The following ABTB3 variants were observed in gnomAD, a reference collection of about 807,000 sequenced individuals.
The protein encoded by ABTB3 is ankyrin repeat- and BTB/POZ domain-containing protein 3.
At chr12:107,441,374 A>C in the ABTB3 span, among the ~76,000 whole-genome samples, 1 of 152,142 alleles carries the variant, frequency 6.6e-6, no homozygotes, top group Non-Finnish European at 1.5e-5. Flanking sequence ...AAAACCAAAC[A>C]CTGCATGTCC....
the ABTB3 span, among the ~76,000 whole-genome samples, chr12:107,356,020 GCACA>G: frequency 6.6e-5 from 10 of 152,292 alleles, no homozygotes; most frequent in Non-Finnish European, 1.3e-4. Context: ...AAAGGCTGTA[GCACA>G]GAGGGTTTGA....
the ABTB3 span, among the ~76,000 whole-genome samples, chr12:107,557,865 C>A: frequency 2.6e-5 from 4 of 152,232 alleles, no homozygotes; most frequent in Non-Finnish European, 5.9e-5. Context: ...GGCTCCAGAA[C>A]TTGCTTCCTT....
chr12:107,396,036 A>G, the ABTB3 span, among the ~76,000 whole-genome samples: 2 of 152,204 alleles, frequency 1.3e-5, no homozygotes, highest in Non-Finnish European at 2.9e-5. Context: ...TGACTCCAGC[A>G]GGACTAGCTC....
chr12:107,573,947 A>C, the ABTB3 span, among the ~76,000 whole-genome samples: 1 of 152,260 alleles, frequency 6.6e-6, no homozygotes. Context: ...AATGTGACCT[A>C]GCCAAGTAGA....
At chr12:107,370,866 G>C in the ABTB3 span, among the ~76,000 whole-genome samples, 1 of 150,004 alleles carries the variant, frequency 6.7e-6, no homozygotes, top group Non-Finnish European at 1.5e-5. Context: ...GGGCTGTCAG[G>C]GTAGGCAGGA....
At chr12:107,400,154 G>A in the ABTB3 span, among the ~76,000 whole-genome samples, 438 of 152,324 alleles carry the variant, frequency 2.9e-3, 2 homozygotes, top group Non-Finnish European at 4.0e-3. Flanking sequence ...ACATTCGTGT[G>A]CATGTGTCCT....
chr12:107,571,647 A>T, the ABTB3 span, among the ~76,000 whole-genome samples: 14 of 152,330 alleles, frequency 9.2e-5, no homozygotes. Flanking sequence ...GCAGCCTCAC[A>T]CAGAGTCTGT....
At chr12:107,319,776 G>A in the ABTB3 span, 1 of 1,467,586 alleles carries the variant, frequency 6.8e-7, no homozygotes, top group Non-Finnish European at 9.0e-7. Context: ...TCGGGCCCTG[G>A]TGCGGCCCCC....
the ABTB3 span, among the ~76,000 whole-genome samples, chr12:107,391,019 C>A: frequency 1.3e-5 from 2 of 152,140 alleles, no homozygotes; most frequent in African/African-American, 4.8e-5. Context: ...GGTGTGGTGG[C>A]ATGTGCCTGT....
chr12:107,573,464 CGATGGATGGATGGATGGATGGATG>C, the ABTB3 span, among the ~76,000 whole-genome samples: 5 of 139,496 alleles, frequency 3.6e-5, no homozygotes. Context: ...GTGGATGAAT[CGATGGATGGATGGATGGATGGATG>C]GATGGATGGA....
At chr12:107,565,040 C>G in the ABTB3 span, among the ~76,000 whole-genome samples, 1 of 152,146 alleles carries the variant, frequency 6.6e-6, no homozygotes, top group African/African-American at 2.4e-5. Flanking sequence ...TTGAGCAAAG[C>G]AAAACTTCAA....
the ABTB3 span, among the ~76,000 whole-genome samples, chr12:107,464,402 C>T: frequency 6.6e-6 from 1 of 152,144 alleles, no homozygotes; most frequent in Non-Finnish European, 1.5e-5. Flanking sequence ...CTGCAAACTC[C>T]TGGGCTCAAG....
At chr12:107,636,089 A>T in the ABTB3 span, among the ~76,000 whole-genome samples, 1 of 152,146 alleles carries the variant, frequency 6.6e-6, no homozygotes, top group African/African-American at 2.4e-5. Flanking sequence ...ATATCAGTAC[A>T]TTATGGCTGC....
At chr12:107,331,371 C>G in the ABTB3 span, among the ~76,000 whole-genome samples, 1 of 152,170 alleles carries the variant, frequency 6.6e-6, no homozygotes, top group African/African-American at 2.4e-5. Context: ...ACACAGATGT[C>G]AAACTGCACC....
the ABTB3 span, among the ~76,000 whole-genome samples, chr12:107,501,840 G>A: frequency 6.6e-6 from 1 of 152,158 alleles, no homozygotes; most frequent in African/African-American, 2.4e-5. Flanking sequence ...GAATCATTTG[G>A]TTTTGTCTTG....
the ABTB3 span, among the ~76,000 whole-genome samples, chr12:107,493,759 A>G: frequency 1.3e-4 from 20 of 152,314 alleles, no homozygotes; most frequent in African/African-American, 4.8e-4. Context: ...ACACTGACAC[A>G]CACTTAAGAA....
chr12:107,609,960 G>GACTT, the ABTB3 span: 1 of 552,358 alleles, frequency 1.8e-6, no homozygotes, highest in East Asian at 3.1e-5. Context: ...GTCGTTATGT[G>GACTT]ACTTAGCTCA....
chr12:107,642,442 G>T, the ABTB3 span, among the ~76,000 whole-genome samples: 8 of 152,184 alleles, frequency 5.3e-5, no homozygotes, highest in Admixed American at 2.0e-4. Context: ...CAGAGTCTGT[G>T]GGGGGCGGGG....
At chr12:107,557,891 G>A in the ABTB3 span, among the ~76,000 whole-genome samples, 1 of 152,192 alleles carries the variant, frequency 6.6e-6, no homozygotes, top group East Asian at 1.9e-4. Context: ...CCATACTTTT[G>A]CTGCTGTGTG....
Sources: allele counts gnomAD v4.1 joint callset (sites outside exome capture counted in the v4.1 genomes callset), GRCh38; gene constraint gnomAD v4.1.1; transcripts MANE v1.5; gene names NCBI Gene and HGNC (gene_info 2026-07-23, HGNC 2026-07-21).